CTNNA2: variants seen among roughly 807,000 people sequenced by gnomAD.
CTNNA2 encodes catenin alpha 2, also known as catenin alpha-2.
Under a neutral mutation model 101.0 loss-of-function variants are expected in CTNNA2, and 42 were observed. The ratio of observed to expected loss-of-function variants is 0.42; its 90% CI spans 0.32 to 0.54. The LOEUF (loss-of-function observed/expected upper bound fraction) is 0.54, where lower values mean the gene tolerates loss of function less well. Ranked by LOEUF, CTNNA2 falls within the 20% of genes least tolerant of loss-of-function variation. CTNNA2 has a pLI of 0.14. For synonymous variants in CTNNA2, 450 were observed against 456.4 expected (o/e 0.99, Z 0.18); for missense variants, 871 against 1,223.1 (o/e 0.71, Z 4.29).
At chr2:79,411,010 C>A (rs1200626792) in intron 4 of CTNNA2, among the ~76,000 whole-genome samples, 2 of 152,176 alleles carry the variant, frequency 1.3e-5, no homozygotes, top group Non-Finnish European at 2.9e-5. Context: ...GGTTTAACTT[C>A]TTCCTGGTTT....
intron 4 of CTNNA2, among the ~76,000 whole-genome samples, chr2:79,382,899 C>T (rs967586562): frequency 3.3e-5 from 5 of 152,270 alleles, no homozygotes; most frequent in Admixed American, 2.6e-4. Context: ...CAGGCGTGAG[C>T]CACCACGCCC....
intron 7 of CTNNA2, among the ~76,000 whole-genome samples, chr2:80,052,691 A>G (rs1696953626): frequency 6.6e-6 from 1 of 152,246 alleles, no homozygotes; most frequent in African/African-American, 2.4e-5. Flanking sequence ...TAGTGTAACT[A>G]TGAATTATCA....
At chr2:80,124,879 C>T (rs930881231) in intron 7 of CTNNA2, among the ~76,000 whole-genome samples, 2 of 151,964 alleles carry the variant, frequency 1.3e-5, no homozygotes, top group Non-Finnish European at 2.9e-5. Context: ...GATAGCTTTG[C>T]GGAGGAAGTT....
intron 5 of CTNNA2, among the ~76,000 whole-genome samples, chr2:79,507,650 A>G (rs1671442742): frequency 6.6e-6 from 1 of 152,160 alleles, no homozygotes. Flanking sequence ...AGGATCAGAC[A>G]TTTTTTAAAT....
chr2:80,294,169 A>G (rs1172523165), intron 7 of CTNNA2, among the ~76,000 whole-genome samples: 2 of 152,206 alleles, frequency 1.3e-5, no homozygotes, highest in Non-Finnish European at 2.9e-5. Flanking sequence ...AGCAGTAACA[A>G]TGACCTTGGG....
chr2:79,462,410 C>G (rs1670890088), intron 4 of CTNNA2, among the ~76,000 whole-genome samples: 1 of 152,206 alleles, frequency 6.6e-6, no homozygotes, highest in South Asian at 2.1e-4. Context: ...CCTCCAGGAA[C>G]AGCTGATATG....
chr2:80,018,689 G>A (rs990187915), intron 7 of CTNNA2, among the ~76,000 whole-genome samples: 1 of 151,576 alleles, frequency 6.6e-6, no homozygotes, highest in Non-Finnish European at 1.5e-5. Context: ...GCTGAGGCAG[G>A]AGAATCGTTT....
intron 7 of CTNNA2, among the ~76,000 whole-genome samples, chr2:80,084,461 A>G (rs760202843): frequency 1.3e-5 from 2 of 152,026 alleles, no homozygotes; most frequent in Non-Finnish European, 2.9e-5. Context: ...CTCTTTTAGG[A>G]TGTCCAACCC....
At chr2:79,639,963 A>AAG (rs927536090) in intron 1 of CTNNA2, among the ~76,000 whole-genome samples, 4 of 143,884 alleles carry the variant, frequency 2.8e-5, no homozygotes, top group African/African-American at 5.2e-5. Flanking sequence ...TGTGTGTGTG[A>AAG]AGAGAGAGAG....
chr2:80,587,340 C>G (rs1696063970), intron 14 of CTNNA2, among the ~76,000 whole-genome samples: 1 of 152,080 alleles, frequency 6.6e-6, no homozygotes, highest in Non-Finnish European at 1.5e-5. Flanking sequence ...ATCCCTTTCC[C>G]TATAGCAACT....
intron 7 of CTNNA2, chr2:80,298,408 GA>G (rs1675951427): frequency 6.6e-6 from 1 of 152,214 alleles, no homozygotes; most frequent in Admixed American, 6.5e-5. Context: ...TTCTCTGTGA[GA>G]GGGGTATGTG....
intron 7 of CTNNA2, among the ~76,000 whole-genome samples, chr2:80,378,360 AAAT>A (rs2149344513): frequency 3.6e-5 from 1 of 27,464 alleles, no homozygotes; most frequent in East Asian, 1.7e-3. Flanking sequence ...CTGTCTCAAA[AAAT>A]AAATAAATAA....
At chr2:80,134,377 A>C (rs1373722008) in intron 7 of CTNNA2, among the ~76,000 whole-genome samples, 1 of 152,122 alleles carries the variant, frequency 6.6e-6, no homozygotes, top group African/African-American at 2.4e-5. Flanking sequence ...AACTACGCTA[A>C]GTGCTGACCC....
intron 7 of CTNNA2, among the ~76,000 whole-genome samples, chr2:79,959,099 A>C (rs1419616882): frequency 3.3e-5 from 5 of 151,536 alleles, no homozygotes; most frequent in Non-Finnish European, 7.4e-5. Flanking sequence ...GTCTGTACCC[A>C]GGCTGTAGTG....
At chr2:79,483,419 T>G (rs933131033) in intron 4 of CTNNA2, among the ~76,000 whole-genome samples, 2 of 152,192 alleles carry the variant, frequency 1.3e-5, no homozygotes, top group Non-Finnish European at 2.9e-5. Flanking sequence ...CTTTAGGTTC[T>G]CTCAAGAGCT....
chr2:79,746,040 G>A (rs1558892688), intron 3 of CTNNA2, among the ~76,000 whole-genome samples: 3 of 151,974 alleles, frequency 2.0e-5, no homozygotes, highest in South Asian at 4.2e-4. Context: ...GGTGCACAGC[G>A]GTTCCAGTTT....
intron 3 of CTNNA2, among the ~76,000 whole-genome samples, chr2:79,795,909 A>G (rs1302193940): frequency 1.3e-5 from 2 of 152,232 alleles, no homozygotes; most frequent in African/African-American, 4.8e-5. Flanking sequence ...TTAACAACAC[A>G]AAAGAGTTCC....
chr2:79,426,132 T>G (rs1010932063), intron 4 of CTNNA2, among the ~76,000 whole-genome samples: 10 of 152,180 alleles, frequency 6.6e-5, no homozygotes, highest in Admixed American at 1.3e-4. Context: ...AAACATTTTG[T>G]GAAATATATT....
chr2:79,231,257 G>C lies in CTNNA2; in HGVS notation c.-406+33181G>C, dbSNP rs150895953. 7.9e-3 allele frequency among the ~76,000 whole-genome samples: 1,203 copies of C among 152,290 alleles called. 8 individuals are homozygous for C. Among genetic ancestry groups the C allele is most frequent in the Middle Eastern group, 0.014 (4 of 294 alleles). On this transcript the variant is annotated intron_variant, in intron 2 of 21. Coordinates refer to the CTNNA2 transcript ENST00000466387. ...CACAAGTTGTGGGAGAGACCCAGTG[G>C]GGGGTAACTGAATCATGGAGGCGGG...
Sources: allele counts gnomAD v4.1 joint callset (sites outside exome capture counted in the v4.1 genomes callset), GRCh38; gene constraint gnomAD v4.1.1; transcripts MANE v1.5; gene names NCBI Gene and HGNC (gene_info 2026-07-23, HGNC 2026-07-21).